Variants in NBAS observed in about 807,000 individuals in gnomAD.
The protein encoded by NBAS is NBAS subunit of NRZ tethering complex, also known as NAG/BC035112 fusion.
A neutral mutation model predicts 302.5 loss-of-function variants in NBAS; 219 were observed. That is an observed-to-expected ratio of 0.72 (90% CI 0.65 to 0.81). The LOEUF (loss-of-function observed/expected upper bound fraction) is 0.81. NBAS is among the 30% of genes least tolerant of loss of function. The pLI is 0.00. For missense variants in NBAS, 2,932 were observed against 2,841.6 expected (o/e 1.03, Z -0.72); for synonymous variants, 1,118 against 1,021.6 (o/e 1.09, Z -1.80).
intron 21 of NBAS, among the ~76,000 whole-genome samples, chr2:15,445,604 A>C (rs546641048): frequency 3.9e-5 from 6 of 152,006 alleles, no homozygotes; most frequent in African/African-American, 1.2e-4. Flanking sequence ...ATGTATACAT[A>C]TGTAACTAAC....
chr2:14,849,487 C>A, the NBAS span, among the ~76,000 whole-genome samples: 172 of 151,920 alleles, frequency 1.1e-3, no homozygotes, highest in African/African-American at 3.7e-3. Flanking sequence ...GAGAATGGAA[C>A]CAAGTTGGAA....
downstream of NBAS, among the ~76,000 whole-genome samples, chr2:15,165,371 A>T (rs1253517025): frequency 6.6e-6 from 1 of 152,226 alleles, no homozygotes; most frequent in Non-Finnish European, 1.5e-5. Flanking sequence ...CCTGTGAAGT[A>T]TGCTAGAGGC....
chr2:15,078,355 AG>A, the NBAS span, among the ~76,000 whole-genome samples: 652 of 152,346 alleles, frequency 4.3e-3, 5 homozygotes, highest in African/African-American at 0.015. Context: ...AGCACAACAG[AG>A]GTCTCCCTAG....
At chr2:15,299,265 C>T (rs928184939) in intron 40 of NBAS, among the ~76,000 whole-genome samples, 2 of 152,182 alleles carry the variant, frequency 1.3e-5, no homozygotes, top group Admixed American at 1.3e-4. Flanking sequence ...ACTTGATTTT[C>T]CCCTCAAAAC....
chr2:15,278,143 G>A (rs1669669999), intron 42 of NBAS, among the ~76,000 whole-genome samples: 1 of 152,192 alleles, frequency 6.6e-6, no homozygotes, highest in African/African-American at 2.4e-5. Flanking sequence ...TTTGGTTTAT[G>A]TAGATAAAGT....
chr2:15,482,581 A>G (rs1680472934), intron 12 of NBAS, among the ~76,000 whole-genome samples: 1 of 152,070 alleles, frequency 6.6e-6, no homozygotes. Context: ...AGTTTCTGGC[A>G]CCCAAAGTGG....
the NBAS span, among the ~76,000 whole-genome samples, chr2:15,068,173 G>T: frequency 2.0e-5 from 3 of 152,198 alleles, no homozygotes; most frequent in Non-Finnish European, 4.4e-5. Flanking sequence ...GCCTCAGGCA[G>T]GTCCCCTACA....
At chr2:15,254,896 T>C (rs1341513988) in intron 44 of NBAS, among the ~76,000 whole-genome samples, 1 of 151,642 alleles carries the variant, frequency 6.6e-6, no homozygotes, top group African/African-American at 2.4e-5. Flanking sequence ...TGAGTAGTGT[T>C]CCATGGGGTG....
intron 21 of NBAS, among the ~76,000 whole-genome samples, chr2:15,435,782 T>C (rs769028941): frequency 2.0e-5 from 3 of 152,224 alleles, no homozygotes; most frequent in African/African-American, 4.8e-5. Context: ...TGGCATTTAA[T>C]CTTTCGATAG....
chr2:15,276,647 A>G (rs1448276760), intron 43 of NBAS, among the ~76,000 whole-genome samples: 1 of 152,210 alleles, frequency 6.6e-6, no homozygotes, highest in Non-Finnish European at 1.5e-5. Context: ...GCGACTTTCA[A>G]TAGGTTTCTT....
At chr2:14,951,477 C>T in the NBAS span, among the ~76,000 whole-genome samples, 1 of 152,126 alleles carries the variant, frequency 6.6e-6, no homozygotes, top group South Asian at 2.1e-4. Context: ...CCTGGAGAGC[C>T]CACCTGAGTA....
chr2:15,167,729 G>A (rs921932517), intron 51 of NBAS, among the ~76,000 whole-genome samples: 1 of 152,118 alleles, frequency 6.6e-6, no homozygotes, highest in Admixed American at 6.5e-5. Context: ...TTGTAAATTT[G>A]GGTCAATCTT....
the NBAS span, among the ~76,000 whole-genome samples, chr2:15,124,803 C>T: frequency 6.6e-6 from 1 of 152,238 alleles, no homozygotes; most frequent in African/African-American, 2.4e-5. Context: ...GCACAGAATG[C>T]AAAGCATGAG....
chr2:15,034,846 T>G, the NBAS span, among the ~76,000 whole-genome samples: 1 of 152,138 alleles, frequency 6.6e-6, no homozygotes, highest in African/African-American at 2.4e-5. Context: ...TATCAATAAT[T>G]TTTGACTGTT....
intron 9 of NBAS, among the ~76,000 whole-genome samples, chr2:15,520,007 T>C (rs1662585619): frequency 1.3e-5 from 2 of 152,366 alleles, no homozygotes; most frequent in Middle Eastern, 3.4e-3. Flanking sequence ...AGTTCACTAA[T>C]GAAATCATTC....
At chr2:15,217,494 T>A (rs1666705576) in intron 48 of NBAS, among the ~76,000 whole-genome samples, 2 of 152,260 alleles carry the variant, frequency 1.3e-5, no homozygotes, top group South Asian at 4.1e-4. Context: ...GATGTAGTAA[T>A]AACCATATAA....
At chr2:15,161,241 C>T in the NBAS span, among the ~76,000 whole-genome samples, 2 of 152,120 alleles carry the variant, frequency 1.3e-5, no homozygotes, top group African/African-American at 2.4e-5. Flanking sequence ...TGGAGTGGTT[C>T]GTGGCTAACC....
At chr2:14,815,301 G>T in the NBAS span, among the ~76,000 whole-genome samples, 1 of 152,156 alleles carries the variant, frequency 6.6e-6, no homozygotes, top group Non-Finnish European at 1.5e-5. Context: ...TGAAAACATT[G>T]GCCCAAATGT....
chr2:14,983,980 C>A, the NBAS span, among the ~76,000 whole-genome samples: 4 of 152,104 alleles, frequency 2.6e-5, no homozygotes, highest in Non-Finnish European at 5.9e-5. Context: ...GTATGTGGGG[C>A]TTCCGAGGGG....
Sources: gnomAD v4.1 joint callset for allele counts (sites outside exome capture counted in the v4.1 genomes callset) on GRCh38, gnomAD v4.1.1 for gene constraint, MANE v1.5 for transcripts, NCBI Gene and HGNC (gene_info 2026-07-23, HGNC 2026-07-21) for gene names.